TMEM92: variants seen among roughly 807,000 people sequenced by gnomAD.
TMEM92 encodes transmembrane protein 92.
Under a neutral mutation model 14.6 loss-of-function variants are expected in TMEM92, and 15 were observed. The observed-to-expected ratio is 1.03, with a 90% CI of 0.69 to 1.58. The LOEUF is 1.58. Among genes scored for constraint, TMEM92 ranks in the 40% most tolerant of loss-of-function variants. TMEM92 has a pLI of 0.00. For missense variants in TMEM92, 174 were observed against 202.4 expected, an observed-to-expected ratio of 0.86 and a Z score of 0.85; for synonymous variants, 85 against 83.3, an observed-to-expected ratio of 1.02 and a Z score of -0.11.
intron 1 of TMEM92, among the ~76,000 whole-genome samples, chr17:50,277,447 G>C (rs945460880): frequency 6.6e-6 from 1 of 151,820 alleles, no homozygotes; most frequent in African/African-American, 2.4e-5. Flanking sequence ...AGGTTGGAAG[G>C]GTGGTCAGAA....
upstream of TMEM92, among the ~76,000 whole-genome samples, chr17:50,272,328 A>C (rs543936473): frequency 2.3e-4 from 35 of 151,948 alleles, no homozygotes; most frequent in African/African-American, 8.2e-4. Flanking sequence ...TTCCTCCTCT[A>C]AGCTCAACCA....
intron 1 of TMEM92, among the ~76,000 whole-genome samples, chr17:50,275,285 C>T (rs1219903037): frequency 6.6e-6 from 1 of 151,990 alleles, no homozygotes; most frequent in Non-Finnish European, 1.5e-5. Context: ...CATTTAAGAA[C>T]CGGAGGGAAG....
chr17:50,279,707 G>A lies in TMEM92; in HGVS notation c.*399G>A. ...ATACCTGTGGGACATTGGACTGGAT[G>A]AGCCCTGAGCCAGCTTCCACTCCTA... is the stretch of plus-strand genomic sequence containing the variant. On this transcript the variant is annotated 3_prime_UTR_variant, in exon 5 of 5. Coordinates refer to ENST00000507382, the MANE Select transcript of TMEM92 (RefSeq NM_153229.3). 7.8e-6 allele frequency: 2 copies of A among 256,584 alleles called. No homozygotes were observed. Among genetic ancestry groups the A allele is most frequent in the Non-Finnish European group, 1.5e-5 (2 of 131,554 alleles). The allele number at this position is 256,584 out of a possible 1,614,324, so 15.9% of individuals were successfully genotyped here.
At chr17:50,273,166 G>T (rs1054236121), upstream of TMEM92, among the ~76,000 whole-genome samples, 1 of 152,154 alleles carries the variant, frequency 6.6e-6, no homozygotes, top group African/African-American at 2.4e-5. Context: ...CCCCTTGGCC[G>T]GGCCAGGGAG....
At chr17:50,271,975 G>A (rs1324003550), upstream of TMEM92, among the ~76,000 whole-genome samples, 4 of 152,170 alleles carry the variant, frequency 2.6e-5, no homozygotes, top group Admixed American at 6.5e-5. Flanking sequence ...GGGAGGTGGA[G>A]GTTGCAGTGA....
chr17:50,278,405 A>C (rs1910498377), intron 2 of TMEM92, 151 bp from the exon 3 acceptor site: 1 of 764,356 alleles, frequency 1.3e-6, no homozygotes, highest in African/African-American at 1.8e-5. Context: ...CCTCCTACTG[A>C]GCTCAGAGCG....
chr17:50,278,543 GC>G lies in TMEM92; in HGVS notation c.96-10del, dbSNP rs765554372. 9.2e-5 allele frequency: 149 copies of G among 1,613,424 alleles called. No homozygotes were observed. Among genetic ancestry groups the G allele is most frequent in the Non-Finnish European group, 1.1e-4 (132 of 1,179,804 alleles). ...GCAACTTCTCCTTGCCCTTTTCTGTGCCCTCTGACCAGTGCCTGCCCCAAAG... is the reference window on the plus strand; with the variant it reads ...GCAACTTCTCCTTGCCCTTTTCTGTGCCTCTGACCAGTGCCTGCCCCAAAG... On this transcript the variant is annotated splice_polypyrimidine_tract_variant and intron_variant, in intron 2 of 4. Transcript: ENST00000507382.
chr17:50,273,181 GC>G (rs1475155195), upstream of TMEM92, among the ~76,000 whole-genome samples: 2 of 152,258 alleles, frequency 1.3e-5, no homozygotes, highest in South Asian at 4.1e-4. Flanking sequence ...AGGGAGCAGC[GC>G]CCCACGCTCC....
intron 1 of TMEM92, among the ~76,000 whole-genome samples, chr17:50,276,341 C>T (rs929242915): frequency 6.6e-6 from 1 of 152,072 alleles, no homozygotes; most frequent in African/African-American, 2.4e-5. Context: ...CAGACTCACC[C>T]TTTCTGGGCC....
At chr17:50,275,798 C>A (rs1203599267) in intron 1 of TMEM92, among the ~76,000 whole-genome samples, 4 of 151,918 alleles carry the variant, frequency 2.6e-5, no homozygotes, top group African/African-American at 9.7e-5. Context: ...CTGGATGGAC[C>A]CCTCGATTTG....
At chr17:50,271,950 G>A (rs972733041), upstream of TMEM92, among the ~76,000 whole-genome samples, 2 of 152,154 alleles carry the variant, frequency 1.3e-5, no homozygotes, top group Admixed American at 1.3e-4. Flanking sequence ...TGAAGCATGA[G>A]AATTGCTTGA....
intron 1 of TMEM92, among the ~76,000 whole-genome samples, chr17:50,276,182 A>G (rs910211753): frequency 3.3e-5 from 5 of 152,156 alleles, no homozygotes; most frequent in East Asian, 1.9e-4. Flanking sequence ...GGGTCTCGCT[A>G]TGTTGGCCAG....
rs764289958 is a variant in TMEM92, at chr17:50,279,293, C to T, written c.465C>T (p.Asp155=). ...ATACCGGGGATCAGAGGGGCATTGA[C>T]AACCCGGCCTTCTGAGTCACCTCCT... ...EEYTGDQRGI[D]NPAF is the part of the protein sequence containing the mutation. Residue 155 remains aspartate (D), a synonymous_variant, in exon 5 of 5, where the codon GAC becomes GAT. Transcript: ENST00000507382. 43 of 1,613,914 alleles carry T rather than the reference C, an allele frequency of 2.7e-5. No individual in the cohort carries two copies. The highest frequency in any genetic ancestry group is 3.3e-5 in the Admixed American group (2 of 59,982).
chr17:50,274,654 T>C, intron 1 of TMEM92, 84 bp downstream of exon 1: 1 of 1,251,310 alleles, frequency 8.0e-7, no homozygotes, highest in Non-Finnish European at 1.1e-6. Context: ...GGTCGCCACC[T>C]TCCAGAATCA....
intron 1 of TMEM92, 192 bp downstream of exon 1, chr17:50,274,762 G>A: frequency 1.7e-6 from 1 of 602,928 alleles, no homozygotes; most frequent in South Asian, 2.0e-5. Context: ...GAGAGGCTGG[G>A]TTCTCCCACC....
At chr17:50,276,072 A>G (rs987206747) in intron 1 of TMEM92, among the ~76,000 whole-genome samples, 5 of 152,116 alleles carry the variant, frequency 3.3e-5, no homozygotes, top group Non-Finnish European at 7.4e-5. Context: ...CGGAGGTTGC[A>G]GTGAGCCGAG....
intron 1 of TMEM92, among the ~76,000 whole-genome samples, chr17:50,275,603 A>G (rs1259752553): frequency 1.3e-5 from 2 of 152,184 alleles, no homozygotes; most frequent in Non-Finnish European, 2.9e-5. Context: ...GAACCACCCC[A>G]GACAAGACTA....
intron 4 of TMEM92, 89 bp downstream of exon 4, chr17:50,279,085 G>T: frequency 1.4e-6 from 2 of 1,417,724 alleles, no homozygotes; most frequent in African/African-American, 2.8e-5. Context: ...AGGGCACTCT[G>T]CACCCAGCAT....
chr17:50,277,828 C>T, intron 2 of TMEM92, 88 bp downstream of exon 2: 1 of 1,525,816 alleles, frequency 6.6e-7, no homozygotes, highest in Non-Finnish European at 9.1e-7. Flanking sequence ...GTGTGGGAGG[C>T]CAGAAACTCC....
Sources: allele counts gnomAD v4.1 joint callset (sites outside exome capture counted in the v4.1 genomes callset), GRCh38; gene constraint gnomAD v4.1.1; transcripts MANE v1.5; gene names NCBI Gene and HGNC (gene_info 2026-07-23, HGNC 2026-07-21).